RBFOX1: variants seen among roughly 807,000 people sequenced by gnomAD.
The protein encoded by RBFOX1 is RNA binding fox-1 homolog 1.
RBFOX1 carries 8 observed loss-of-function variants against 57.7 expected under a neutral mutation model. The ratio of observed to expected loss-of-function variants is 0.14; its 90% confidence interval spans 0.08 to 0.25. The LOEUF (loss-of-function observed/expected upper bound fraction) is 0.25, where lower values mean the gene tolerates loss of function less well. RBFOX1 is among the 10% of genes least tolerant of loss of function. RBFOX1 has a pLI of 1.00. For missense variants in RBFOX1, 611 were observed against 548.5 expected, an observed-to-expected ratio of 1.11 and a Z score of -1.14; for synonymous variants, 326 against 222.4, an observed-to-expected ratio of 1.47 and a Z score of -4.15.
In RBFOX1 at chr16:7,677,620, G is replaced by T. The variant is rs145687473; in HGVS notation, c.995+782G>T. Among the ~76,000 whole-genome samples, 6 of 152,264 alleles carry T rather than the reference G, an allele frequency of 3.9e-5. No homozygotes were observed. The East Asian group carries it at 1.2e-3, about 29-fold the overall frequency. On this transcript the variant is annotated intron_variant, in intron 14 of 15. Coordinates refer to ENST00000550418, the MANE Select transcript of RBFOX1 (RefSeq NM_018723.4). The stretch of plus-strand genomic sequence containing the variant: ...ACTTTTGTATGGTTGCCTTGAAAAG[G>T]AAAGTGTGTGTTTTCATATTGAATG...
intron 4 of RBFOX1, among the ~76,000 whole-genome samples, chr16:7,266,248 T>C (rs970261315): frequency 6.6e-6 from 1 of 152,062 alleles, no homozygotes; most frequent in Non-Finnish European, 1.5e-5. Context: ...GTGCTGGGAT[T>C]ACAGGTGTGA....
At chr16:6,662,775 A>G (rs2098709492) in intron 3 of RBFOX1, among the ~76,000 whole-genome samples, 2 of 151,736 alleles carry the variant, frequency 1.3e-5, no homozygotes, top group African/African-American at 4.9e-5. Flanking sequence ...ACAGTGTTTT[A>G]CTTTTGCATT....
chr16:7,239,995 C>G (rs1417011623), intron 4 of RBFOX1, among the ~76,000 whole-genome samples: 3 of 152,112 alleles, frequency 2.0e-5, no homozygotes, highest in African/African-American at 4.8e-5. Context: ...GAGACTGAGC[C>G]TAGCTCTGTC....
intron 4 of RBFOX1, among the ~76,000 whole-genome samples, chr16:5,939,045 G>T (rs2059227469): frequency 6.6e-6 from 1 of 151,704 alleles, no homozygotes; most frequent in Non-Finnish European, 1.5e-5. Context: ...TGAACAATGA[G>T]AACACTTGGA....
intron 2 of RBFOX1, among the ~76,000 whole-genome samples, chr16:6,601,853 G>A (rs2097857229): frequency 6.6e-6 from 1 of 152,182 alleles, no homozygotes; most frequent in African/African-American, 2.4e-5. Context: ...AGGGGTTAGA[G>A]CTTGAAGAGG....
At position 7,341,776 on chromosome 16, in the gene RBFOX1, C is replaced by CTCCTTCCTTCCT. The variant is rs767808435; in HGVS notation, c.28-176329_28-176318dup. Among the ~76,000 whole-genome samples, 819 of 95,158 alleles carry CTCCTTCCTTCCT rather than the reference C, an allele frequency of 8.6e-3. 14 individuals are homozygous for CTCCTTCCTTCCT. Among genetic ancestry groups the CTCCTTCCTTCCT allele is most frequent in the African/African-American group, 0.016 (397 of 24,874 alleles). 62.4% of individuals were successfully genotyped at this position (95,158 alleles called of 152,430 possible). On this transcript the variant is annotated intron_variant, in intron 4 of 15. Transcript: ENST00000550418. ...CCTCCTTCCCTCCTTCCCTCCCTCCCTCCTTCCTTCCTTCCTTCCTTCCTT... is the reference window on the plus strand; with the variant it reads ...CCTCCTTCCCTCCTTCCCTCCCTCCCTCCTTCCTTCCTTCCTTCCTTCCTTCCTTCCTTCCTT...
At chr16:6,478,423 ATATATATT>A (rs1398394458) in intron 2 of RBFOX1, among the ~76,000 whole-genome samples, 69 of 11,950 alleles carry the variant, frequency 5.8e-3, no homozygotes, top group African/African-American at 9.2e-3. Context: ...ATATATATAT[ATATATATT>A]TTTTTTTTTT....
chr16:6,604,277 GAAAAAAAC>G (rs1435611295), intron 2 of RBFOX1, among the ~76,000 whole-genome samples: 1 of 151,664 alleles, frequency 6.6e-6, no homozygotes, highest in Non-Finnish European at 1.5e-5. Context: ...GGCTATTTTA[GAAAAAAAC>G]CTCAATAAAT....
intron 1 of RBFOX1, among the ~76,000 whole-genome samples, chr16:6,106,968 G>A (rs1257897696): frequency 2.0e-5 from 3 of 152,134 alleles, no homozygotes; most frequent in African/African-American, 7.2e-5. Context: ...ACCATGCCTG[G>A]CCACCCCTCC....
chr16:6,886,111 G>T (rs1252166532), intron 3 of RBFOX1, among the ~76,000 whole-genome samples: 1 of 150,154 alleles, frequency 6.7e-6, no homozygotes, highest in Non-Finnish European at 1.5e-5. Flanking sequence ...CACCAGGCTG[G>T]AGTGCAGTGA....
intron 4 of RBFOX1, among the ~76,000 whole-genome samples, chr16:5,916,636 C>T (rs1211741665): frequency 6.6e-6 from 1 of 152,050 alleles, no homozygotes; most frequent in Non-Finnish European, 1.5e-5. Flanking sequence ...GGAGGAGGAC[C>T]TCCTAGAAGG....
At chr16:7,192,961 T>G (rs1266524560) in intron 4 of RBFOX1, among the ~76,000 whole-genome samples, 1 of 152,216 alleles carries the variant, frequency 6.6e-6, no homozygotes, top group Non-Finnish European at 1.5e-5. Flanking sequence ...CTCCTCTTTG[T>G]GTCGACAGAC....
chr16:7,592,551 C>T (rs2094497094), intron 7 of RBFOX1, among the ~76,000 whole-genome samples: 1 of 152,164 alleles, frequency 6.6e-6, no homozygotes, highest in Admixed American at 6.5e-5. Context: ...CCTGGCCCTC[C>T]AGCTATACCA....
At chr16:5,469,347 A>G (rs1191001800) in intron 2 of RBFOX1, among the ~76,000 whole-genome samples, 6 of 152,190 alleles carry the variant, frequency 3.9e-5, no homozygotes, top group Non-Finnish European at 7.4e-5. Context: ...TTAAAAGCCA[A>G]CAGAGCAAGG....
intron 1 of RBFOX1, among the ~76,000 whole-genome samples, chr16:5,246,677 CTT>C (rs112913760): frequency 3.4e-5 from 5 of 145,196 alleles, no homozygotes; most frequent in Admixed American, 6.9e-5. Flanking sequence ...CTTTTTCTTT[CTT>C]TTTTTTTTTT....
At chr16:6,969,904 C>G (rs1010034568) in intron 3 of RBFOX1, among the ~76,000 whole-genome samples, 4 of 152,106 alleles carry the variant, frequency 2.6e-5, no homozygotes, top group African/African-American at 9.7e-5. Context: ...ACTTGAGACT[C>G]TTTCAGTAGT....
intron 4 of RBFOX1, among the ~76,000 whole-genome samples, chr16:7,292,473 ATGTAT>A (rs1568066210): frequency 6.9e-6 from 1 of 143,932 alleles, no homozygotes; most frequent in African/African-American, 2.5e-5. Flanking sequence ...ATAATATATA[ATGTAT>A]TATATAATAT....
At chr16:5,619,448 C>G (rs1036588423) in intron 3 of RBFOX1, among the ~76,000 whole-genome samples, 8 of 152,150 alleles carry the variant, frequency 5.3e-5, no homozygotes, top group African/African-American at 1.2e-4. Flanking sequence ...GATTTTATGA[C>G]CTCATCTCTC....
intron 3 of RBFOX1, among the ~76,000 whole-genome samples, chr16:6,819,701 G>A (rs866455418): frequency 2.5e-5 from 1 of 40,734 alleles, no homozygotes; most frequent in Non-Finnish European, 4.0e-5. Flanking sequence ...GTGAAACTCT[G>A]ACTCAAAAAA....
Sources: allele counts gnomAD v4.1 joint callset (sites outside exome capture counted in the v4.1 genomes callset), GRCh38; gene constraint gnomAD v4.1.1; transcripts MANE v1.5; gene names NCBI Gene and HGNC (gene_info 2026-07-23, HGNC 2026-07-21).